Variants in RGS7 observed in about 807,000 individuals in gnomAD.
RGS7 encodes regulator of G-protein signaling 7.
In RGS7, 27 loss-of-function variants were observed where a neutral mutation model predicts 81.1. The observed-to-expected ratio is 0.33, with a 90% CI of 0.25 to 0.46. The LOEUF is 0.46. RGS7 is among the 20% of genes least tolerant of loss of function. RGS7 has a pLI of 1.00. For missense variants in RGS7, 396 were observed against 607.4 expected, an observed-to-expected ratio of 0.65 and a Z score of 3.66; for synonymous variants, 208 against 207.7, an observed-to-expected ratio of 1.00 and a Z score of -0.01.
chr1:241,157,145 A>T (rs1316532418), intron 2 of RGS7, among the ~76,000 whole-genome samples: 1 of 151,878 alleles, frequency 6.6e-6, no homozygotes, highest in Non-Finnish European at 1.5e-5. Context: ...AAAGACTTTC[A>T]CTTTTATTAG....
chr1:240,814,025 G>C (rs1471267526), intron 12 of RGS7, among the ~76,000 whole-genome samples: 1 of 152,208 alleles, frequency 6.6e-6, no homozygotes, highest in African/African-American at 2.4e-5. Flanking sequence ...GCACCGCTAA[G>C]AGTCAGTTCC....
chr1:240,922,199 T>G (rs1371249074), intron 6 of RGS7, among the ~76,000 whole-genome samples: 1 of 151,938 alleles, frequency 6.6e-6, no homozygotes, highest in Non-Finnish European at 1.5e-5. Flanking sequence ...AGACTCCAGA[T>G]TTTACTAATT....
rs10552436 is a variant in RGS7, at chr1:241,256,926, T to TACAC, written c.78+98769_78+98772dup. 4.6e-3 allele frequency among the ~76,000 whole-genome samples: 672 copies of TACAC among 146,246 alleles called. 2 individuals are homozygous for TACAC. Among genetic ancestry groups the TACAC allele is most frequent in the African/African-American group, 0.01 (410 of 39,284 alleles). On this transcript the variant is annotated intron_variant, in intron 2 of 18. Transcript: ENST00000440928. ...GTTATTCTTAAACTACCACTAGAAA[T>TACAC]ACACACACACACACACACACACACA...
chr1:240,940,205 T>A (rs1677354591), intron 4 of RGS7, among the ~76,000 whole-genome samples: 1 of 152,198 alleles, frequency 6.6e-6, no homozygotes, highest in Non-Finnish European at 1.5e-5. Context: ...TCAGCCAGAT[T>A]TTCTTTGTTC....
downstream of RGS7, among the ~76,000 whole-genome samples, chr1:240,774,774 TCA>T (rs1272140498): frequency 2.6e-5 from 4 of 152,166 alleles, no homozygotes; most frequent in South Asian, 6.2e-4. Context: ...ACTAATTACA[TCA>T]CACAGTCGGC....
At chr1:241,298,136 C>A (rs1304853361) in intron 2 of RGS7, among the ~76,000 whole-genome samples, 1 of 152,126 alleles carries the variant, frequency 6.6e-6, no homozygotes, top group African/African-American at 2.4e-5. Flanking sequence ...GCTACAAGAA[C>A]CTTAAACTGC....
At chr1:240,862,078 G>A (rs1662310896) in intron 9 of RGS7, among the ~76,000 whole-genome samples, 1 of 152,070 alleles carries the variant, frequency 6.6e-6, no homozygotes, top group Admixed American at 6.5e-5. Context: ...ATATTCTTCA[G>A]TAGTTAGTTT....
At chr1:241,327,033 A>AG (rs1433004110) in intron 2 of RGS7, among the ~76,000 whole-genome samples, 405 of 18,756 alleles carry the variant, frequency 0.022, 64 homozygotes, top group African/African-American at 0.031. Context: ...GAAGGAAGGA[A>AG]GGAAGGGAGG....
At chr1:241,156,132 T>TGATA (rs72097170) in intron 2 of RGS7, among the ~76,000 whole-genome samples, 19,897 of 146,892 alleles carry the variant, frequency 0.14, 1,598 homozygotes, top group African/African-American at 0.23. Flanking sequence ...AGATAAATGA[T>TGATA]GATAGATAGA....
intron 2 of RGS7, among the ~76,000 whole-genome samples, chr1:241,348,816 A>C (rs1036705470): frequency 1.3e-5 from 2 of 152,216 alleles, no homozygotes; most frequent in African/African-American, 4.8e-5. Context: ...GGGACATTTT[A>C]AGTATCATAA....
intron 2 of RGS7, among the ~76,000 whole-genome samples, chr1:241,264,709 T>C (rs1039487807): frequency 2.0e-5 from 3 of 152,200 alleles, no homozygotes; most frequent in African/African-American, 7.2e-5. Context: ...AATAGATCAG[T>C]GCAGTTGGTG....
intron 3 of RGS7, among the ~76,000 whole-genome samples, chr1:241,008,188 T>TCTTTCTTTTTGGTCC (rs1235141766): frequency 1.3e-5 from 2 of 152,132 alleles, no homozygotes; most frequent in Non-Finnish European, 1.5e-5. Context: ...AAAGACCAAG[T>TCTTTCTTTTTGGTCC]TTCTTTTAAG....
intron 2 of RGS7, among the ~76,000 whole-genome samples, chr1:241,123,478 C>G (rs181209484): frequency 2.6e-5 from 4 of 152,320 alleles, no homozygotes; most frequent in African/African-American, 9.6e-5. Flanking sequence ...GGGCCGGACA[C>G]GGTGGCTCAC....
At chr1:241,218,976 G>A (rs1006710386) in intron 2 of RGS7, among the ~76,000 whole-genome samples, 1 of 152,134 alleles carries the variant, frequency 6.6e-6, no homozygotes, top group Admixed American at 6.5e-5. Context: ...TAGGACAAGA[G>A]AGGCAGCTTG....
At chr1:241,199,754 A>C (rs1475105086) in intron 2 of RGS7, among the ~76,000 whole-genome samples, 1 of 151,994 alleles carries the variant, frequency 6.6e-6, no homozygotes, top group East Asian at 1.9e-4. Flanking sequence ...GTTTCTCTAG[A>C]TGAAAATAAA....
intron 4 of RGS7, among the ~76,000 whole-genome samples, chr1:240,953,462 G>A (rs950057968): frequency 2.0e-5 from 3 of 151,802 alleles, no homozygotes; most frequent in Non-Finnish European, 3.0e-5. Context: ...CAACTATTTG[G>A]AAATTAAACA....
chr1:240,958,907 CTGT>C (rs1680888289), intron 4 of RGS7, among the ~76,000 whole-genome samples: 1 of 152,174 alleles, frequency 6.6e-6, no homozygotes, highest in South Asian at 2.1e-4. Flanking sequence ...TAATTGTGTG[CTGT>C]TATTAGCCTT....
At chr1:241,091,438 C>T (rs2063866659) in intron 3 of RGS7, among the ~76,000 whole-genome samples, 2 of 151,942 alleles carry the variant, frequency 1.3e-5, no homozygotes, top group Middle Eastern at 3.4e-3. Context: ...GTCCCAGCTA[C>T]TCGGGAGGCT....
chr1:240,792,393 C>T (rs553554272), intron 18 of RGS7, among the ~76,000 whole-genome samples: 13 of 152,294 alleles, frequency 8.5e-5, no homozygotes, highest in South Asian at 6.2e-4. Flanking sequence ...CTAGCTTGCC[C>T]TCATCTGCTG....
Sources: allele counts gnomAD v4.1 joint callset (sites outside exome capture counted in the v4.1 genomes callset), GRCh38; gene constraint gnomAD v4.1.1; transcripts MANE v1.5; gene names NCBI Gene and HGNC (gene_info 2026-07-23, HGNC 2026-07-21).